Variants in NUDT7 observed in about 807,000 individuals in gnomAD.
The protein encoded by NUDT7 is nudix hydrolase 7.
Under a neutral mutation model 13.1 loss-of-function variants are expected in NUDT7, and 19 were observed. The observed-to-expected ratio is 1.45, with a 90% CI of 1.01 to 2.13. The LOEUF is 2.13. NUDT7 is among the 30% of genes most tolerant of loss of function. NUDT7 has a pLI of 0.00. For missense variants in NUDT7, 360 were observed against 291.7 expected, an observed-to-expected ratio of 1.23 and a Z score of -1.71; for synonymous variants, 132 against 109.7, an observed-to-expected ratio of 1.20 and a Z score of -1.27.
intron 3 of NUDT7, 145 bp downstream of exon 3, chr16:77,736,131 CT>C: frequency 1.3e-6 from 1 of 744,880 alleles, no homozygotes; most frequent in Non-Finnish European, 2.2e-6. Flanking sequence ...GACATTGCCC[CT>C]CATGAGTCAA....
chr16:77,723,276 T>G (rs898309376), intron 1 of NUDT7, among the ~76,000 whole-genome samples: 1 of 152,222 alleles, frequency 6.6e-6, no homozygotes, highest in Non-Finnish European at 1.5e-5. Context: ...CTGGCCTGCG[T>G]GCATCCAGAT....
chr16:77,732,292 C>A (rs1191664343), intron 2 of NUDT7, among the ~76,000 whole-genome samples: 1 of 151,080 alleles, frequency 6.6e-6, no homozygotes, highest in Non-Finnish European at 1.5e-5. Context: ...CCCATCACTG[C>A]ACTCCAGCCT....
intron 2 of NUDT7, among the ~76,000 whole-genome samples, chr16:77,727,874 T>A (rs199707521): frequency 1.5e-4 from 22 of 151,192 alleles, no homozygotes; most frequent in Non-Finnish European, 2.7e-4. Flanking sequence ...AATAAATAAA[T>A]AAAAATAAAT....
chr16:77,731,181 C>T (rs1227681122), intron 2 of NUDT7, among the ~76,000 whole-genome samples: 2 of 152,052 alleles, frequency 1.3e-5, no homozygotes, highest in African/African-American at 4.8e-5. Context: ...TTCTTGAGAG[C>T]AATGTTCTCA....
rs746060305 is a variant in NUDT7, at chr16:77,725,555, C to T, written c.160C>T (p.His54Tyr). 3 of 1,614,036 alleles carry T rather than the reference C, an allele frequency of 1.9e-6. No individual in the cohort carries two copies. The highest frequency in any genetic ancestry group is 2.5e-6 in the Non-Finnish European group (3 of 1,179,988). The change falls in exon 2 of 4, where the codon CAT becomes TAT. Residue 54 changes from histidine to tyrosine, a missense_variant. Physicochemically the swap from His to Tyr is moderately conservative, Grantham distance 83. Transcript: ENST00000268533. ...ATTGGTGGCTAAAGAAGGAAAACTCCATTTGTTGTTCACCGTCCGGTCAGA... is the reference window on the plus strand; with the variant it reads ...ATTGGTGGCTAAAGAAGGAAAACTCTATTTGTTGTTCACCGTCCGGTCAGA... ...LPLVAKEGKL[H>Y]LLFTVRSEKL...
Position 77,730,793 on chromosome 16 carries a change from T to C in NUDT7, c.190-5035T>C, listed in dbSNP as rs1198626190. Among the ~76,000 whole-genome samples, 3 of 152,156 alleles carry C rather than the reference T, an allele frequency of 2.0e-5. No homozygotes were observed. The East Asian group carries it at 5.8e-4, about 29-fold the overall frequency. Reference sequence around the variant, plus strand: ...CACTTACGTTTTGTTTTTTAGATAATGGCCATTCTAAAAGGTGTGACGTAA... The same window carrying C: ...CACTTACGTTTTGTTTTTTAGATAACGGCCATTCTAAAAGGTGTGACGTAA... On this transcript the variant is annotated intron_variant, in intron 2 of 3. Transcript: ENST00000268533.
chr16:77,730,723 C>T (rs1470151185), intron 2 of NUDT7, among the ~76,000 whole-genome samples: 1 of 152,044 alleles, frequency 6.6e-6, no homozygotes. Flanking sequence ...TTTACATTCC[C>T]ACCAAGAGTG....
intron 1 of NUDT7, 136 bp downstream of exon 1, chr16:77,722,753 G>C (rs1307073904): frequency 1.3e-6 from 1 of 785,718 alleles, no homozygotes; most frequent in Non-Finnish European, 2.1e-6. Context: ...GGATGGGGGA[G>C]CACTCGCCTC....
At chr16:77,738,570 T>A (rs2014561757) in intron 3 of NUDT7, among the ~76,000 whole-genome samples, 1 of 152,184 alleles carries the variant, frequency 6.6e-6, no homozygotes, top group Non-Finnish European at 1.5e-5. Flanking sequence ...AATTTGGTAA[T>A]GTCTGGAGAT....
chr16:77,739,578 A>C (rs2145129218), intron 3 of NUDT7, among the ~76,000 whole-genome samples: 1 of 152,224 alleles, frequency 6.6e-6, no homozygotes, highest in South Asian at 2.1e-4. Context: ...CTTTACTGTA[A>C]GGTCTTTATG....
intron 3 of NUDT7, among the ~76,000 whole-genome samples, chr16:77,738,359 A>G (rs1363593353): frequency 2.0e-5 from 3 of 152,178 alleles, no homozygotes; most frequent in Non-Finnish European, 2.9e-5. Flanking sequence ...CTGGAACAGG[A>G]GATTTCTAAA....
At chr16:77,731,487 C>G (rs186627548) in intron 2 of NUDT7, among the ~76,000 whole-genome samples, 3 of 152,132 alleles carry the variant, frequency 2.0e-5, no homozygotes, top group African/African-American at 7.2e-5. Context: ...GTAAACAAAC[C>G]TACTGTGTTG....
intron 2 of NUDT7, among the ~76,000 whole-genome samples, chr16:77,729,847 T>TAAATAAAA (rs150861897): frequency 8.7e-4 from 133 of 152,132 alleles, no homozygotes; most frequent in African/African-American, 1.2e-3. Flanking sequence ...AATAAATAAA[T>TAAATAAAA]TTTAAATCAA....
At chr16:77,726,597 C>T (rs2004129) in intron 2 of NUDT7, among the ~76,000 whole-genome samples, 1 of 152,004 alleles carries the variant, frequency 6.6e-6, no homozygotes, top group Admixed American at 6.5e-5. Context: ...CAGTTCGAGA[C>T]AAGCCTGACC....
intron 3 of NUDT7, among the ~76,000 whole-genome samples, chr16:77,738,725 C>T (rs1412533616): frequency 1.3e-5 from 2 of 152,186 alleles, no homozygotes; most frequent in African/African-American, 4.8e-5. Context: ...TATGTATGCA[C>T]CTATGTATGT....
intron 3 of NUDT7, among the ~76,000 whole-genome samples, chr16:77,739,528 T>C (rs1241652681): frequency 6.6e-6 from 1 of 152,200 alleles, no homozygotes. Flanking sequence ...CAGAGGTTAC[T>C]TTCATTGCCA....
intron 3 of NUDT7, chr16:77,736,786 G>C (rs879399304): frequency 5.8e-6 from 1 of 172,070 alleles, no homozygotes; most frequent in Non-Finnish European, 1.3e-5. Flanking sequence ...CTTTCTATCG[G>C]TTCACCACAA....
In NUDT7 at chr16:77,735,946, A is replaced by G. The variant is rs2014469317; in HGVS notation, c.308A>G (p.Gln103Arg). ...GAGGAAGTGGGTCTCCGTCCTCACC[A>G]AGTGGAAGTTGTCTGCTGCCTGGTG... is the stretch of plus-strand genomic sequence containing the variant. ...AQEEVGLRPH[Q>R]VEVVCCLVPC... Residue 103 changes from glutamine to arginine, a missense_variant, in exon 3 of 4, where the codon CAA (glutamine) becomes CGA (arginine). Coordinates refer to ENST00000268533, the MANE Select transcript of NUDT7 (RefSeq NM_001105663.3). The G allele has an allele frequency of 1.2e-6, 2 of 1,614,032 alleles. No individual in the cohort carries two copies. Among genetic ancestry groups the G allele is most frequent in the Non-Finnish European group, 1.7e-6 (2 of 1,179,980 alleles).
chr16:77,725,012 A>G (rs942812893), intron 1 of NUDT7, among the ~76,000 whole-genome samples: 2 of 152,178 alleles, frequency 1.3e-5, no homozygotes, highest in African/African-American at 4.8e-5. Context: ...GGGAACCACT[A>G]TTATAAGCAG....
Sources: gnomAD v4.1 joint callset for allele counts (sites outside exome capture counted in the v4.1 genomes callset) on GRCh38, gnomAD v4.1.1 for gene constraint, MANE v1.5 for transcripts, NCBI Gene and HGNC (gene_info 2026-07-23, HGNC 2026-07-21) for gene names.